ARHGAP15: variants seen among roughly 807,000 people sequenced by gnomAD.
The protein encoded by ARHGAP15 is rho GTPase-activating protein 15.
In ARHGAP15, 51 loss-of-function variants were observed where a neutral mutation model predicts 63.7. The observed-to-expected ratio is 0.80, with a 90% CI of 0.64 to 1.01. The LOEUF is 1.01. ARHGAP15 is among the 50% of genes least tolerant of loss of function. The pLI, the probability that ARHGAP15 is intolerant of heterozygous loss-of-function variation, is 0.00. For synonymous variants in ARHGAP15, 191 were observed against 193.8 expected, an observed-to-expected ratio of 0.99 and a Z score of 0.12; for missense variants, 560 against 564.6, an observed-to-expected ratio of 0.99 and a Z score of 0.08.
chr2:143,664,971 C>T (rs984731060), intron 12 of ARHGAP15, among the ~76,000 whole-genome samples: 2 of 151,548 alleles, frequency 1.3e-5, no homozygotes, highest in Non-Finnish European at 3.0e-5. Context: ...GATTCACAGC[C>T]GAATTCTATC....
intron 12 of ARHGAP15, among the ~76,000 whole-genome samples, chr2:143,694,466 A>T (rs1349083662): frequency 6.6e-6 from 1 of 152,172 alleles, no homozygotes; most frequent in Non-Finnish European, 1.5e-5. Context: ...ATTAGCTGGC[A>T]GTTTTTTTTC....
At chr2:143,266,236 C>G (rs1680987432) in intron 6 of ARHGAP15, among the ~76,000 whole-genome samples, 2 of 127,612 alleles carry the variant, frequency 1.6e-5, no homozygotes, top group Non-Finnish European at 3.7e-5. Context: ...TTTCTCACTT[C>G]ATATAAAATG....
chr2:143,209,174 A>G (rs913265900), intron 3 of ARHGAP15, among the ~76,000 whole-genome samples: 1 of 152,142 alleles, frequency 6.6e-6, no homozygotes, highest in African/African-American at 2.4e-5. Flanking sequence ...CTTTCCTTAA[A>G]CTGCTGAAAA....
chr2:143,669,495 CT>C (rs902303665), intron 12 of ARHGAP15, among the ~76,000 whole-genome samples: 3 of 152,106 alleles, frequency 2.0e-5, no homozygotes, highest in African/African-American at 7.2e-5. Context: ...TGGCTCAGAC[CT>C]TTGAAGGACA....
At chr2:143,682,635 C>G (rs553665884) in intron 12 of ARHGAP15, 2 of 152,310 alleles carry the variant, frequency 1.3e-5, no homozygotes, top group Admixed American at 1.3e-4. Context: ...AAGCTTTGCT[C>G]CAGGATATCT....
At chr2:143,300,000 T>G (rs1481265548) in intron 6 of ARHGAP15, among the ~76,000 whole-genome samples, 2 of 152,058 alleles carry the variant, frequency 1.3e-5, no homozygotes, top group Admixed American at 6.6e-5. Flanking sequence ...CACTTGTAAA[T>G]GAGGCAGCAA....
intron 6 of ARHGAP15, among the ~76,000 whole-genome samples, chr2:143,373,316 G>T (rs139500551): frequency 1.1e-4 from 16 of 152,090 alleles, no homozygotes; most frequent in African/African-American, 2.9e-4. Context: ...GTGCTTAACC[G>T]TCACATTTGC....
chr2:143,582,806 A>G (rs1042195006), intron 11 of ARHGAP15, among the ~76,000 whole-genome samples: 2 of 152,226 alleles, frequency 1.3e-5, no homozygotes, highest in Non-Finnish European at 2.9e-5. Flanking sequence ...CACTTCTCAT[A>G]CCAGCTTGCC....
intron 12 of ARHGAP15, among the ~76,000 whole-genome samples, chr2:143,685,223 G>GAAGT (rs1683279052): frequency 6.6e-6 from 1 of 152,140 alleles, no homozygotes; most frequent in Non-Finnish European, 1.5e-5. Flanking sequence ...CATCAACATT[G>GAAGT]AAGTAAGTTT....
chr2:143,652,212 C>T (rs1681202729), intron 12 of ARHGAP15, among the ~76,000 whole-genome samples: 4 of 151,854 alleles, frequency 2.6e-5, no homozygotes, highest in Admixed American at 2.0e-4. Flanking sequence ...TATATTTTTC[C>T]TGTGGAGGGA....
chr2:143,721,223 G>A (rs1318983637), intron 13 of ARHGAP15, among the ~76,000 whole-genome samples: 1 of 152,098 alleles, frequency 6.6e-6, no homozygotes, highest in East Asian at 1.9e-4. Flanking sequence ...GAGGAAAGAG[G>A]TTCTCTGTGG....
chr2:143,415,829 C>T (rs759133618), intron 6 of ARHGAP15, among the ~76,000 whole-genome samples: 6 of 152,094 alleles, frequency 3.9e-5, no homozygotes, highest in Non-Finnish European at 7.4e-5. Context: ...TTGCAGCAAC[C>T]TGGATGAGAT....
intron 9 of ARHGAP15, among the ~76,000 whole-genome samples, chr2:143,509,371 G>GT (rs1164921998): frequency 6.6e-6 from 1 of 151,578 alleles, no homozygotes; most frequent in Non-Finnish European, 1.5e-5. Flanking sequence ...AATGAGAGAG[G>GT]TTTACTTCCA....
chr2:143,378,020 T>C (rs1192676653), intron 6 of ARHGAP15, among the ~76,000 whole-genome samples: 2 of 152,062 alleles, frequency 1.3e-5, no homozygotes, highest in African/African-American at 4.8e-5. Context: ...ATACTTTGGC[T>C]TTAGAAACAG....
chr2:143,399,728 C>G (rs1355576430), intron 6 of ARHGAP15, among the ~76,000 whole-genome samples: 1 of 151,942 alleles, frequency 6.6e-6, no homozygotes, highest in Non-Finnish European at 1.5e-5. Flanking sequence ...AGAACTCCAA[C>G]CCAGACCATC....
intron 6 of ARHGAP15, among the ~76,000 whole-genome samples, chr2:143,328,558 G>C (rs1232194870): frequency 6.6e-6 from 1 of 152,092 alleles, no homozygotes; most frequent in East Asian, 1.9e-4. Context: ...CACAGGGAGG[G>C]GAACATCACA....
intron 11 of ARHGAP15, among the ~76,000 whole-genome samples, chr2:143,562,179 T>C (rs2105099738): frequency 6.6e-6 from 1 of 152,230 alleles, no homozygotes; most frequent in East Asian, 1.9e-4. Flanking sequence ...AATATAGATT[T>C]GTACCTTAAA....
chr2:143,560,259 T>C (rs2105094996), intron 11 of ARHGAP15, among the ~76,000 whole-genome samples: 1 of 152,352 alleles, frequency 6.6e-6, no homozygotes, highest in African/African-American at 2.4e-5. Flanking sequence ...TAACTAGTAA[T>C]GATGATAATA....
At chr2:143,743,859 G>T (rs1434580355) in intron 13 of ARHGAP15, among the ~76,000 whole-genome samples, 1 of 151,822 alleles carries the variant, frequency 6.6e-6, no homozygotes, top group African/African-American at 2.4e-5. Flanking sequence ...AGCAAGGTTT[G>T]GATGTTCTCT....
Sources: allele counts gnomAD v4.1 joint callset (sites outside exome capture counted in the v4.1 genomes callset), GRCh38; gene constraint gnomAD v4.1.1; transcripts MANE v1.5; gene names NCBI Gene and HGNC (gene_info 2026-07-23, HGNC 2026-07-21).